The following GALNT2 variants were observed in gnomAD, a reference collection of about 807,000 sequenced individuals.
The protein encoded by GALNT2 is polypeptide N-acetylgalactosaminyltransferase 2.
Under a neutral mutation model 81.4 loss-of-function variants are expected in GALNT2, and 31 were observed. That is an observed-to-expected ratio of 0.38 (90% CI 0.29 to 0.51). GALNT2 has a LOEUF of 0.51. Among genes scored for constraint, GALNT2 ranks in the 20% least tolerant of loss-of-function variants. GALNT2 has a pLI of 0.87. For synonymous variants in GALNT2, 303 were observed against 287.4 expected, an observed-to-expected ratio of 1.05 and a Z score of -0.55; for missense variants, 629 against 765.7, an observed-to-expected ratio of 0.82 and a Z score of 2.11.
chr1:230,113,466 G>C (rs746602748), intron 1 of GALNT2, among the ~76,000 whole-genome samples: 6 of 152,122 alleles, frequency 3.9e-5, no homozygotes, highest in Non-Finnish European at 8.8e-5. Flanking sequence ...CTGTGGTAGA[G>C]GTGGATAAGA....
chr1:230,248,354 C>G (rs1377038816), intron 8 of GALNT2, among the ~76,000 whole-genome samples: 2 of 152,186 alleles, frequency 1.3e-5, no homozygotes, highest in Non-Finnish European at 2.9e-5. Flanking sequence ...CTGTCAGACC[C>G]TTGGAATTGG....
chr1:230,265,071 T>TG lies in GALNT2; in HGVS notation c.1314-169dup, dbSNP rs559904180. On this transcript the variant is annotated intron_variant, in intron 13 of 15. Transcript: ENST00000366672. ...TTGGAAGTCCAGAGCCTGGGAGAAA[T>TG]GCCGTGTCCCTGACACACACTACCT... is the stretch of plus-strand genomic sequence containing the variant. The TG allele has an allele frequency of 1.6e-4, 115 of 707,346 alleles. No homozygotes were observed. The African/African-American group carries it at 2.0e-3, about 12-fold the overall frequency. 43.8% of individuals were successfully genotyped at this position (707,346 alleles called of 1,614,324 possible). A position where few individuals can be genotyped will look rare whatever the true frequency, so the allele number is the denominator to read the frequency against.
At chr1:230,086,081 C>G (rs1440224294) in intron 1 of GALNT2, among the ~76,000 whole-genome samples, 1 of 152,204 alleles carries the variant, frequency 6.6e-6, no homozygotes, top group African/African-American at 2.4e-5. Context: ...TTCCGTCCAC[C>G]TTCATGGAAT....
Position 230,166,926 on chromosome 1 carries a change from T to A in GALNT2, c.127-11292T>A, listed in dbSNP as rs1359318668. Among the ~76,000 whole-genome samples the A allele has an allele frequency of 2.0e-5, 3 of 152,138 alleles. No homozygotes were observed. The East Asian group carries it at 5.8e-4, about 29-fold the overall frequency. Reference sequence around the variant, plus strand: ...TGGATGTTGAATAAACATTAGTCCCTCTCACTCACACTTGGGTTGGCTGTA... The same window carrying A: ...TGGATGTTGAATAAACATTAGTCCCACTCACTCACACTTGGGTTGGCTGTA... On this transcript the variant is annotated intron_variant, in intron 1 of 15. Coordinates refer to ENST00000366672, the MANE Select transcript of GALNT2 (RefSeq NM_004481.5).
chr1:230,272,745 T>G (rs1426551104), intron 14 of GALNT2, among the ~76,000 whole-genome samples: 4 of 152,008 alleles, frequency 2.6e-5, no homozygotes, highest in African/African-American at 9.7e-5. Context: ...CTTTAGGGTT[T>G]GGTTTGGTTT....
chr1:230,125,316 TG>T (rs1200655844), intron 1 of GALNT2, among the ~76,000 whole-genome samples: 1 of 152,162 alleles, frequency 6.6e-6, no homozygotes, highest in Admixed American at 6.5e-5. Flanking sequence ...GAGGGGGCTG[TG>T]GGGAGAAAGA....
At chr1:230,272,135 G>A (rs559028014) in intron 14 of GALNT2, among the ~76,000 whole-genome samples, 12 of 152,320 alleles carry the variant, frequency 7.9e-5, no homozygotes, top group Admixed American at 7.2e-4. Context: ...CCTTGTGATT[G>A]TGCCAGAGAC....
chr1:230,200,254 G>A (rs1397977957), intron 2 of GALNT2, among the ~76,000 whole-genome samples: 1 of 151,946 alleles, frequency 6.6e-6, no homozygotes, highest in Non-Finnish European at 1.5e-5. Flanking sequence ...AGTAGAGATG[G>A]GGTTTCACCA....
At position 230,148,165 on chromosome 1, in the gene GALNT2, C is replaced by T. The variant is rs142825361; in HGVS notation, c.127-30053C>T. 4.1e-3 allele frequency among the ~76,000 whole-genome samples: 632 copies of T among 152,324 alleles called. 1 individual carries two copies. The highest frequency in any genetic ancestry group is 0.014 in the African/African-American group (601 of 41,580). ...CAAATCTGAAAAGACAGTGGCGCTG[C>T]GTGGCTGAGAGCCACGAGGTGGACT... is the stretch of plus-strand genomic sequence containing the variant. On this transcript the variant is annotated intron_variant, in intron 1 of 15. Transcript: ENST00000366672.
intron 1 of GALNT2, among the ~76,000 whole-genome samples, chr1:230,145,128 C>T (rs1452295221): frequency 2.0e-5 from 3 of 151,882 alleles, no homozygotes; most frequent in East Asian, 1.9e-4. Context: ...ACACTTAGAG[C>T]GACCCATGTG....
At chr1:230,153,124 C>T (rs572970709) in intron 1 of GALNT2, among the ~76,000 whole-genome samples, 165 of 152,256 alleles carry the variant, frequency 1.1e-3, no homozygotes, top group African/African-American at 3.8e-3. Flanking sequence ...AGTGCAGTGG[C>T]GTGATCATGG....
At chr1:230,178,905 C>T (rs904276268) in intron 2 of GALNT2, among the ~76,000 whole-genome samples, 4 of 151,756 alleles carry the variant, frequency 2.6e-5, no homozygotes, top group Non-Finnish European at 4.4e-5. Flanking sequence ...CCTTAAGAGT[C>T]CTCCGTGCTC....
At position 230,275,556 on chromosome 1, in the gene GALNT2, ACATATATATACATATAAACACAC is replaced by A. The variant is rs925038145; in HGVS notation, c.1560+1009_1560+1031del. ...ACATAGATATACATATATAAACGCC[ACATATATATACATATAAACACAC>A]CATATATATACATATAGATACATGC... On this transcript the variant is annotated intron_variant, in intron 15 of 15. Transcript: ENST00000366672. The surrounding 1 kb of genome is among the most constrained non-coding windows in gnomAD (Gnocchi z 5.5). Among the ~76,000 whole-genome samples the A allele has an allele frequency of 3.3e-5, 5 of 151,602 alleles. No homozygotes were observed. Among genetic ancestry groups the A allele is most frequent in the Non-Finnish European group, 7.4e-5 (5 of 67,778 alleles).
chr1:230,188,974 C>CCGG (rs1553266954), intron 2 of GALNT2, among the ~76,000 whole-genome samples: 1 of 151,832 alleles, frequency 6.6e-6, no homozygotes, highest in East Asian at 1.9e-4. Context: ...GGCAAAGGAG[C>CCGG]GGGGGCCGGA....
At chr1:230,063,984 G>A (rs1659107564), upstream of GALNT2, among the ~76,000 whole-genome samples, 1 of 152,128 alleles carries the variant, frequency 6.6e-6, no homozygotes, top group Non-Finnish European at 1.5e-5. Context: ...CACACTTACT[G>A]TGTTTCTTTC....
At chr1:230,175,048 G>A (rs1164412823) in intron 1 of GALNT2, among the ~76,000 whole-genome samples, 1 of 152,200 alleles carries the variant, frequency 6.6e-6, no homozygotes, top group Non-Finnish European at 1.5e-5. Context: ...GGCCCCTGCT[G>A]TGTCTCTAGG....
intron 1 of GALNT2, among the ~76,000 whole-genome samples, chr1:230,099,452 C>T (rs1660340117): frequency 6.6e-6 from 1 of 152,158 alleles, no homozygotes; most frequent in African/African-American, 2.4e-5. Context: ...AATGGTGTTT[C>T]ATGAATCCAC....
At chr1:230,211,344 G>C (rs1043433649) in intron 3 of GALNT2, among the ~76,000 whole-genome samples, 4 of 152,214 alleles carry the variant, frequency 2.6e-5, no homozygotes, top group Admixed American at 2.6e-4. Context: ...AGGCTTAGCT[G>C]TTCTGGCTTT....
At chr1:230,185,305 C>CGCGCGCGT (rs1663298705) in intron 2 of GALNT2, among the ~76,000 whole-genome samples, 1 of 82,074 alleles carries the variant, frequency 1.2e-5, no homozygotes, top group East Asian at 2.4e-4. Flanking sequence ...TGTGTGTGCG[C>CGCGCGCGT]GCGTGTGTGT....
Sources: allele counts gnomAD v4.1 joint callset (sites outside exome capture counted in the v4.1 genomes callset), GRCh38; gene constraint gnomAD v4.1.1; non-coding constraint Gnocchi (gnomAD v3.1); transcripts MANE v1.5; gene names NCBI Gene and HGNC (gene_info 2026-07-23, HGNC 2026-07-21).